The following FGF14 variants were observed in gnomAD, a reference collection of about 807,000 sequenced individuals.
FGF14 encodes the protein fibroblast growth factor 14, also known as fibroblast growth factor homologous factor 4.
Under a neutral mutation model 25.5 loss-of-function variants are expected in FGF14, and 5 were observed. The observed-to-expected ratio is 0.20, with a 90% CI of 0.10 to 0.41. FGF14 has a LOEUF of 0.41. Ranked by LOEUF, FGF14 falls within the 10% of genes least tolerant of loss-of-function variation. FGF14 has a pLI of 1.00. For synonymous variants in FGF14, 138 were observed against 118.3 expected (o/e 1.17, Z -1.08); for missense variants, 222 against 320.1 (o/e 0.69, Z 2.34).
intron 1 of FGF14, among the ~76,000 whole-genome samples, chr13:101,985,668 T>C (rs2038533945): frequency 6.6e-6 from 1 of 152,158 alleles, no homozygotes; most frequent in Admixed American, 6.6e-5. Context: ...TTTTCATCTT[T>C]ATCTCTCGCT....
At chr13:102,231,829 GC>G (rs2051099703) in intron 1 of FGF14, among the ~76,000 whole-genome samples, 1 of 152,064 alleles carries the variant, frequency 6.6e-6, no homozygotes, top group African/African-American at 2.4e-5. Flanking sequence ...TTCTCCACCT[GC>G]AAGATAGTCA....
At chr13:101,829,645 A>C (rs2042573512) in intron 3 of FGF14, among the ~76,000 whole-genome samples, 1 of 152,052 alleles carries the variant, frequency 6.6e-6, no homozygotes, top group Non-Finnish European at 1.5e-5. Flanking sequence ...AAAACTGATG[A>C]CCCAGGGCTA....
chr13:101,954,739 TG>T (rs1385823585), intron 1 of FGF14, among the ~76,000 whole-genome samples: 1 of 152,158 alleles, frequency 6.6e-6, no homozygotes, highest in Non-Finnish European at 1.5e-5. Flanking sequence ...CACGAGTGTG[TG>T]CACATGCACA....
chr13:101,808,813 C>T (rs561156647), intron 3 of FGF14, among the ~76,000 whole-genome samples: 36 of 152,178 alleles, frequency 2.4e-4, no homozygotes, highest in African/African-American at 7.7e-4. Flanking sequence ...ACAGAAATAT[C>T]TGTAAATTAT....
Position 102,233,470 on chromosome 13 carries a change from C to T in FGF14, c.208+168001G>A, listed in dbSNP as rs978755585. Among the ~76,000 whole-genome samples the T allele has an allele frequency of 3.9e-5, 6 of 152,088 alleles. 1 individual carries two copies. The highest frequency in any genetic ancestry group is 2.1e-4 in the South Asian group (1 of 4,818). On this transcript the variant is annotated intron_variant, in intron 1 of 4. Coordinates refer to the FGF14 transcript ENST00000376131. ...AACTTGCTTTTTTTTGTCTAGCTTC[C>T]CCCACTGGAATGCAAGTTCCACCAG...
chr13:101,875,311 T>C lies in FGF14; in HGVS notation c.194-15A>G, dbSNP rs532999301. ...GAGCTGGGGATCTGAAAGGCAAACA[T>C]AGTTATCATAAGCCTCACAATGTGT... On this transcript the variant is annotated splice_polypyrimidine_tract_variant and intron_variant, in intron 1 of 4. Coordinates refer to ENST00000376143, the MANE Select transcript of FGF14 (RefSeq NM_004115.4). 1.9e-6 allele frequency: 3 copies of C among 1,549,898 alleles called. No individual in the cohort carries two copies. The highest frequency in any genetic ancestry group is 2.7e-5 in the African/African-American group (2 of 73,710).
chr13:102,160,198 A>T (rs770201087), intron 1 of FGF14, among the ~76,000 whole-genome samples: 11 of 152,156 alleles, frequency 7.2e-5, no homozygotes, highest in Non-Finnish European at 1.6e-4. Context: ...AAGACAGCAC[A>T]TGATGTGGAA....
At chr13:101,765,624 T>C (rs1024158853) in intron 3 of FGF14, among the ~76,000 whole-genome samples, 3 of 152,162 alleles carry the variant, frequency 2.0e-5, no homozygotes, top group Non-Finnish European at 2.9e-5. Context: ...TACAGATTCA[T>C]ACAGTTGTGA....
intron 1 of FGF14, among the ~76,000 whole-genome samples, chr13:101,932,756 T>TAAAAAAAAA (rs869271842): frequency 1.0e-5 from 1 of 98,580 alleles, no homozygotes. Context: ...AAAATTACAG[T>TAAAAAAAAA]AAAAAAAAAA....
chr13:101,856,867 T>C (rs1458100522), intron 3 of FGF14, among the ~76,000 whole-genome samples: 1 of 151,994 alleles, frequency 6.6e-6, no homozygotes, highest in Non-Finnish European at 1.5e-5. Flanking sequence ...CATAACACAG[T>C]ATTGCCCACC....
chr13:102,278,834 G>A (rs753606904), intron 1 of FGF14, among the ~76,000 whole-genome samples: 2 of 152,062 alleles, frequency 1.3e-5, no homozygotes, highest in African/African-American at 2.4e-5. Flanking sequence ...ACCATCTGCC[G>A]AGGGTGCAAT....
intron 1 of FGF14, among the ~76,000 whole-genome samples, chr13:102,107,642 T>C (rs1177954566): frequency 6.6e-6 from 1 of 152,202 alleles, no homozygotes; most frequent in Non-Finnish European, 1.5e-5. Context: ...TAACTGGTCA[T>C]GTGTGTTTGC....
chr13:101,972,705 C>T (rs916692539), intron 1 of FGF14, among the ~76,000 whole-genome samples: 8 of 151,972 alleles, frequency 5.3e-5, no homozygotes, highest in Non-Finnish European at 8.8e-5. Flanking sequence ...AAAGGGGTCT[C>T]GCTATATTGC....
intron 3 of FGF14, among the ~76,000 whole-genome samples, chr13:101,848,272 G>A (rs768870481): frequency 6.6e-6 from 1 of 151,770 alleles, no homozygotes; most frequent in Non-Finnish European, 1.5e-5. Context: ...TGGATTCTTA[G>A]AGACCCAAAG....
intron 1 of FGF14, among the ~76,000 whole-genome samples, chr13:102,338,058 T>C (rs949531799): frequency 1.3e-5 from 2 of 152,156 alleles, no homozygotes; most frequent in South Asian, 2.1e-4. Context: ...AGGGAAAGGG[T>C]TGAAAAACAT....
At chr13:102,355,459 G>C (rs2057395099) in intron 1 of FGF14, among the ~76,000 whole-genome samples, 1 of 151,722 alleles carries the variant, frequency 6.6e-6, no homozygotes, top group African/African-American at 2.4e-5. Context: ...GCCTCCCCCA[G>C]ATGGTGATTC....
chr13:102,211,938 C>T (rs1703230597), intron 1 of FGF14, among the ~76,000 whole-genome samples: 1 of 152,168 alleles, frequency 6.6e-6, no homozygotes, highest in Non-Finnish European at 1.5e-5. Context: ...TTTCTCGTAT[C>T]AATCCTAAAT....
At chr13:101,921,600 T>C (rs530120036), upstream of FGF14, among the ~76,000 whole-genome samples, 16 of 152,340 alleles carry the variant, frequency 1.1e-4, no homozygotes, top group South Asian at 3.3e-3. Flanking sequence ...ACCACCATCA[T>C]CTTTTGGGTG....
At chr13:102,306,842 T>G (rs1279372198) in intron 1 of FGF14, among the ~76,000 whole-genome samples, 1 of 152,132 alleles carries the variant, frequency 6.6e-6, no homozygotes, top group African/African-American at 2.4e-5. Context: ...CATTCTAACT[T>G]GTATGCACAA....
Sources: gnomAD v4.1 joint callset for allele counts (sites outside exome capture counted in the v4.1 genomes callset) on GRCh38, gnomAD v4.1.1 for gene constraint, MANE v1.5 for transcripts, NCBI Gene and HGNC (gene_info 2026-07-23, HGNC 2026-07-21) for gene names.